The following WWOX variants were observed in gnomAD, a reference collection of about 807,000 sequenced individuals.
WWOX encodes the protein WW domain-containing oxidoreductase.
Under a neutral mutation model 46.2 loss-of-function variants are expected in WWOX, and 69 were observed. The ratio of observed to expected loss-of-function variants is 1.49; its 90% CI spans 1.23 to 1.82. WWOX has a LOEUF of 1.82. Among genes scored for constraint, WWOX ranks in the 40% most tolerant of loss-of-function variants. WWOX has a pLI of 0.00. For synonymous variants in WWOX, 359 were observed against 202.6 expected (o/e 1.77, Z -6.56); for missense variants, 919 against 542.6 (o/e 1.69, Z -6.89).
rs185067731 is a variant in WWOX, at chr16:78,174,459, G to A, written c.516+10170G>A. ...ATTCAAGTTGAGATTTCGGTGGGGCGCAGCCAAACCATATCAGACACAAAC... is the reference window on the plus strand; with the variant it reads ...ATTCAAGTTGAGATTTCGGTGGGGCACAGCCAAACCATATCAGACACAAAC... On this transcript the variant is annotated intron_variant, in intron 5 of 8. Coordinates refer to ENST00000566780, the MANE Select transcript of WWOX (RefSeq NM_016373.4). 3.0e-3 allele frequency among the ~76,000 whole-genome samples: 461 copies of A among 152,014 alleles called. 2 individuals carry two copies. Among genetic ancestry groups the A allele is most frequent in the African/African-American group, 6.9e-3 (285 of 41,440 alleles).
At chr16:79,051,885 T>C (rs989130041) in intron 8 of WWOX, among the ~76,000 whole-genome samples, 18 of 152,372 alleles carry the variant, frequency 1.2e-4, no homozygotes, top group African/African-American at 4.1e-4. Flanking sequence ...ATATTTGCCC[T>C]GGCATGCTTA....
intron 8 of WWOX, among the ~76,000 whole-genome samples, chr16:78,883,540 A>G (rs535627558): frequency 1.3e-5 from 2 of 152,254 alleles, no homozygotes; most frequent in Admixed American, 1.3e-4. Flanking sequence ...CCTGGCGAAC[A>G]TGGCAAAACC....
chr16:78,326,922 AAC>A (rs1367028730), intron 5 of WWOX, among the ~76,000 whole-genome samples: 2 of 152,142 alleles, frequency 1.3e-5, no homozygotes, highest in African/African-American at 4.8e-5. Flanking sequence ...GGAGATGACA[AAC>A]ACATAAAATG....
At chr16:79,172,403 A>T (rs147954372) in intron 8 of WWOX, among the ~76,000 whole-genome samples, 2 of 152,114 alleles carry the variant, frequency 1.3e-5, no homozygotes, top group South Asian at 2.1e-4. Flanking sequence ...AGTCACTTCA[A>T]TGCCTTGTGT....
At chr16:78,575,304 G>C (rs1309065277) in intron 8 of WWOX, among the ~76,000 whole-genome samples, 3 of 149,846 alleles carry the variant, frequency 2.0e-5, no homozygotes, top group Non-Finnish European at 3.0e-5. Context: ...CTAAGATTCA[G>C]ATCTCCCTAA....
chr16:78,838,219 C>T (rs1014368473), intron 8 of WWOX, among the ~76,000 whole-genome samples: 5 of 151,904 alleles, frequency 3.3e-5, no homozygotes, highest in Non-Finnish European at 5.9e-5. Context: ...AAGCAGGGTA[C>T]GTGGAGGGCT....
chr16:79,018,707 A>G (rs895630763), intron 8 of WWOX, among the ~76,000 whole-genome samples: 1 of 152,186 alleles, frequency 6.6e-6, no homozygotes, highest in Non-Finnish European at 1.5e-5. Context: ...AATCAACCAG[A>G]AAGTGATTGA....
At position 79,212,496 on chromosome 16, in the gene WWOX, G is replaced by A. The variant is rs2051801674; in HGVS notation, c.*700G>A. ...TTAGATACCTTGAAAGGCAGGAAGG[G>A]AAGCGTATATACTTAAGAATACACA... On this transcript the variant is annotated 3_prime_UTR_variant, in exon 9 of 9. Coordinates refer to ENST00000566780, the MANE Select transcript of WWOX (RefSeq NM_016373.4). 1 of 217,928 alleles carries A rather than the reference G, an allele frequency of 4.6e-6. No individual in the cohort carries two copies. The highest frequency in any genetic ancestry group is 2.3e-5 in the African/African-American group (1 of 44,314). 13.5% of individuals were successfully genotyped at this position (217,928 alleles called of 1,614,324 possible).
chr16:78,396,867 TA>T (rs1159148193), intron 6 of WWOX, among the ~76,000 whole-genome samples: 2 of 152,198 alleles, frequency 1.3e-5, no homozygotes, highest in African/African-American at 4.8e-5. Flanking sequence ...TGTGTCCTAA[TA>T]AAACTTTATT....
chr16:79,092,220 G>A (rs978774428), intron 8 of WWOX, among the ~76,000 whole-genome samples: 6 of 152,080 alleles, frequency 3.9e-5, no homozygotes, highest in Non-Finnish European at 7.3e-5. Context: ...ATGACTAATA[G>A]GATTCATTAC....
chr16:79,145,311 C>G (rs1290981412), intron 8 of WWOX, among the ~76,000 whole-genome samples: 1 of 152,130 alleles, frequency 6.6e-6, no homozygotes, highest in Non-Finnish European at 1.5e-5. Flanking sequence ...AACAGCAATA[C>G]TTGTAACTAA....
intron 8 of WWOX, among the ~76,000 whole-genome samples, chr16:78,550,026 C>T (rs1273284314): frequency 2.0e-5 from 3 of 152,218 alleles, no homozygotes; most frequent in East Asian, 1.9e-4. Flanking sequence ...ACACGCAATA[C>T]ACATTCAATA....
At chr16:79,137,701 C>T (rs143295498) in intron 8 of WWOX, among the ~76,000 whole-genome samples, 150 of 152,168 alleles carry the variant, frequency 9.9e-4, no homozygotes, top group Middle Eastern at 3.4e-3. Context: ...CTCCTTCCCC[C>T]GACCCTCCTC....
chr16:78,357,763 G>C (rs1409423027), intron 5 of WWOX, among the ~76,000 whole-genome samples: 1 of 152,166 alleles, frequency 6.6e-6, no homozygotes, highest in Non-Finnish European at 1.5e-5. Context: ...TTTATAGCTT[G>C]CTGCACTCTT....
intron 8 of WWOX, among the ~76,000 whole-genome samples, chr16:78,454,897 T>A (rs1199524656): frequency 6.6e-6 from 1 of 152,228 alleles, no homozygotes; most frequent in African/African-American, 2.4e-5. Flanking sequence ...CCCCGCTAGA[T>A]CACAGTCTGT....
chr16:78,727,330 C>T (rs1414178447), intron 8 of WWOX, among the ~76,000 whole-genome samples: 27 of 152,106 alleles, frequency 1.8e-4, no homozygotes, highest in Non-Finnish European at 5.9e-5. Context: ...ACCCGGAAGG[C>T]GGAGGTTTCA....
At chr16:78,411,992 T>A (rs1297482848) in intron 6 of WWOX, among the ~76,000 whole-genome samples, 4 of 152,202 alleles carry the variant, frequency 2.6e-5, no homozygotes, top group Non-Finnish European at 4.4e-5. Flanking sequence ...TTGGTCCTCC[T>A]TGTCAACAGA....
chr16:78,720,401 A>G (rs139522802), intron 8 of WWOX, among the ~76,000 whole-genome samples: 1 of 152,110 alleles, frequency 6.6e-6, no homozygotes, highest in African/African-American at 2.4e-5. Context: ...AGATCTGTTA[A>G]CACGAAAACT....
At chr16:78,176,951 C>A (rs1049557998) in intron 5 of WWOX, among the ~76,000 whole-genome samples, 18 of 152,192 alleles carry the variant, frequency 1.2e-4, no homozygotes, top group African/African-American at 4.1e-4. Context: ...CTACTCAAAG[C>A]ATGGTCCCTG....
Sources: gnomAD v4.1 joint callset for allele counts (sites outside exome capture counted in the v4.1 genomes callset) on GRCh38, gnomAD v4.1.1 for gene constraint, MANE v1.5 for transcripts, NCBI Gene and HGNC (gene_info 2026-07-23, HGNC 2026-07-21) for gene names.